TRIM47: variants seen among roughly 807,000 people sequenced by gnomAD.
The protein encoded by TRIM47 is E3 ubiquitin-protein ligase TRIM47.
TRIM47 carries 46 observed loss-of-function variants against 54.4 expected under a neutral mutation model. That is an observed-to-expected ratio of 0.84 (90% CI 0.67 to 1.08). TRIM47 has a LOEUF of 1.08. TRIM47 is among the 50% of genes least tolerant of loss of function. The probability of loss-of-function intolerance (pLI) is 0.00; values close to 1 mark genes in which losing one functional copy is unlikely to be tolerated. For synonymous variants in TRIM47, 392 were observed against 410.2 expected, an observed-to-expected ratio of 0.96 and a Z score of 0.54; for missense variants, 825 against 910.1, an observed-to-expected ratio of 0.91 and a Z score of 1.20.
rs372117490 is a variant in TRIM47, at chr17:75,875,503, G to A, written c.1202-29C>T. On this transcript the variant is annotated intron_variant, in intron 4 of 5. Coordinates refer to ENST00000254816, the MANE Select transcript of TRIM47 (RefSeq NM_033452.3). The surrounding 1 kb of genome is among the most constrained non-coding windows in gnomAD (Gnocchi z 6.1). ...TAGAAGAGGAGACAGTGGTGAGAAC[G>A]CCCCCAGACTGCCCCCCTCTGAACC... 1.3e-4 allele frequency: 208 copies of A among 1,597,534 alleles called. No homozygotes were observed. The African/African-American group carries it at 2.1e-3, about 16-fold the overall frequency.
Position 75,875,086 on chromosome 17 carries a change from G to T in TRIM47, c.1314C>A (p.Asp438Glu). 6.2e-7 allele frequency: 1 copy of T among 1,607,352 alleles called. No individual in the cohort carries two copies. ...TGGTTCCAAACAGCTGCAGGAACTT[G>T]TCTGCTGTGTCGCTGTCCAAATCCA... ...YIVDLDSDTA[D>E]KFLQLFGTKG... Residue 438 changes from aspartate (D) to glutamate (E), a missense_variant, in exon 6 of 6, where the codon GAC becomes GAA. Physicochemically the swap from Asp to Glu is conservative, Grantham distance 45. Transcript: ENST00000254816. This position sits in a 1 kb window ranked among gnomAD's most constrained non-coding sequence, Gnocchi z 6.1.
chr17:75,878,268 G>T lies in TRIM47; in HGVS notation c.281C>A (p.Ala94Asp). The change falls in exon 1 of 6, where the codon GCC becomes GAC. Residue 94 changes from alanine to aspartate, a missense_variant. Coordinates refer to ENST00000254816, the MANE Select transcript of TRIM47 (RefSeq NM_033452.3). ...GGGTGCCGAGGGCTCCGGGGCCAGG[G>T]CAGGGGCCGGGCCGGGGCCGGACCC... ...GPGSGPGPAPALAPEPSAPSA... is the reference protein window; with the variant it reads ...GPGSGPGPAPDLAPEPSAPSA... The T allele has an allele frequency of 2.4e-6, 3 of 1,254,386 alleles. No individual in the cohort carries two copies. Among genetic ancestry groups the T allele is most frequent in the Non-Finnish European group, 3.0e-6 (3 of 999,118 alleles). 77.7% of individuals were successfully genotyped at this position (1,254,386 alleles called of 1,614,324 possible). A position where few individuals can be genotyped will look rare whatever the true frequency, so the allele number is the denominator to read the frequency against.
chr17:75,878,469 T>C lies in TRIM47; in HGVS notation c.80A>G (p.Asn27Ser). The change falls in exon 1 of 6, where the codon AAC (asparagine) becomes AGC (serine). Residue 27 changes from asparagine (N) to serine (S), a missense_variant. By Grantham distance (46) the Asn-to-Ser change is conservative. Transcript: ENST00000254816. Reference sequence around the variant, plus strand: ...CGCGCCCAGGCAGGCGAGACAGAAGTTGTGGCCGCAGGGCAGCGTCACCGG... The same window carrying C: ...CGCGCCCAGGCAGGCGAGACAGAAGCTGTGGCCGCAGGGCAGCGTCACCGG... Reference protein sequence around the residue: ...REPVTLPCGHNFCLACLGALW... With the variant: ...REPVTLPCGHSFCLACLGALW... 1.4e-6 allele frequency: 2 copies of C among 1,419,584 alleles called. No individual in the cohort carries two copies. The highest frequency in any genetic ancestry group is 2.5e-5 in the Admixed American group (1 of 39,254). The allele number at this position is 1,419,584 out of a possible 1,614,324, so 87.9% of individuals were successfully genotyped here.
Position 75,878,301 on chromosome 17 carries a change from G to A in TRIM47, c.248C>T (p.Ser83Leu). Residue 83 changes from serine to leucine, a missense_variant, in exon 1 of 6, where the codon TCG (serine) becomes TTG (leucine). Ser to Leu is a moderately radical substitution (Grantham distance 145). Transcript: ENST00000254816. Reference protein sequence around the residue: ...LSELLQLRQGSGPGSGPGPAP... With the variant: ...LSELLQLRQGLGPGSGPGPAP... ...CGGGCCGGGGCCGGACCCGGGGCCC[G>A]AGCCCTGGCGGAGCTGCAGCAGCTC... is the stretch of plus-strand genomic sequence containing the variant. 2 of 1,274,286 alleles carry A rather than the reference G, an allele frequency of 1.6e-6. No homozygotes were observed. The highest frequency in any genetic ancestry group is 1.5e-5 in the African/African-American group (1 of 64,582). 78.9% of individuals were successfully genotyped at this position (1,274,286 alleles called of 1,614,324 possible).
Position 75,878,068 on chromosome 17 carries a change from G to C in TRIM47, c.481C>G (p.Arg161Gly). Residue 161 changes from arginine to glycine, a missense_variant, in exon 1 of 6, where the codon CGC becomes GGC. Coordinates refer to ENST00000254816, the MANE Select transcript of TRIM47 (RefSeq NM_033452.3). ...FCPAHLGPHE[R>G]SPALRGHRLV... ...CGGTGTCCGCGGAGGGCGGGGCTGC[G>C]CTCGTGCGGGCCCAGGTGCGCGGGG... is the stretch of plus-strand genomic sequence containing the variant. 3 of 1,362,822 alleles carry C rather than the reference G, an allele frequency of 2.2e-6. No individual in the cohort carries two copies. The East Asian group carries it at 9.2e-5, about 42-fold the overall frequency. The allele number at this position is 1,362,822 out of a possible 1,614,324, so 84.4% of individuals were successfully genotyped here.
chr17:75,876,744 A>G lies in TRIM47; in HGVS notation c.745T>C (p.Ser249Pro), dbSNP rs2065137625. The G allele has an allele frequency of 6.2e-7, 1 of 1,614,024 alleles. No individual in the cohort carries two copies. The highest frequency in any genetic ancestry group is 1.3e-5 in the African/African-American group (1 of 74,918). Residue 249 changes from serine (S) to proline (P), a missense_variant, in exon 2 of 6, where the codon TCC becomes CCC. Coordinates refer to ENST00000254816, the MANE Select transcript of TRIM47 (RefSeq NM_033452.3). ...TTGATGAGGGCCACTGTGCGCCTGG[A>G]CTGTGCAATGCCAGCACCCAGCTCG... ...MDELGAGIAQ[S>P]RRTVALIKSA...
chr17:75,878,072 G>A lies in TRIM47; in HGVS notation c.477C>T (p.His159=), dbSNP rs1164131948. The A allele has an allele frequency of 3.7e-6, 5 of 1,358,044 alleles. No individual in the cohort carries two copies. Among genetic ancestry groups the A allele is most frequent in the Non-Finnish European group, 3.8e-6 (4 of 1,059,974 alleles). The allele number at this position is 1,358,044 out of a possible 1,614,324, so 84.1% of individuals were successfully genotyped here. Residue 159 remains histidine, a synonymous_variant, in exon 1 of 6, where the codon CAC becomes CAT. Transcript: ENST00000254816. The stretch of plus-strand genomic sequence containing the variant: ...GTCCGCGGAGGGCGGGGCTGCGCTC[G>A]TGCGGGCCCAGGTGCGCGGGGCAAA... The part of the protein sequence containing the change: ...ASFCPAHLGP[H]ERSPALRGHR...
At position 75,875,340 on chromosome 17, in the gene TRIM47, C is replaced by G; in HGVS notation, c.1276+60G>C. The G allele has an allele frequency of 1.3e-6, 2 of 1,560,234 alleles. No individual in the cohort carries two copies. The highest frequency in any genetic ancestry group is 2.2e-5 in the South Asian group (2 of 89,966). ...CTTGTGTGCCAGGGCCCTGCTGGGA[C>G]CAGCCCAGCAGCCCTGGGAGGGCCC... On this transcript the variant is annotated intron_variant, in intron 5 of 5. Coordinates refer to ENST00000254816, the MANE Select transcript of TRIM47 (RefSeq NM_033452.3). This position sits in a 1 kb window ranked among gnomAD's most constrained non-coding sequence, Gnocchi z 6.1.
chr17:75,875,831 C>T lies in TRIM47; in HGVS notation c.1201+70G>A, dbSNP rs984616091. 2 of 1,529,120 alleles carry T rather than the reference C, an allele frequency of 1.3e-6. No individual in the cohort carries two copies. Among genetic ancestry groups the T allele is most frequent in the Non-Finnish European group, 1.8e-6 (2 of 1,130,588 alleles). 94.7% of individuals were successfully genotyped at this position (1,529,120 alleles called of 1,614,324 possible). On this transcript the variant is annotated intron_variant, in intron 4 of 5. Coordinates refer to ENST00000254816, the MANE Select transcript of TRIM47 (RefSeq NM_033452.3). This position sits in a 1 kb window ranked among gnomAD's most constrained non-coding sequence, Gnocchi z 6.1. The stretch of plus-strand genomic sequence containing the variant: ...TTCCTCCTCCACTTCTGGATGGGCG[C>T]CAGGCCTGGGGGCCTGTGCGAGAGG...
Position 75,878,297 on chromosome 17 carries a change from G to A in TRIM47, c.252C>T (p.Gly84=), listed in dbSNP as rs1463684287. The change falls in exon 1 of 6, where the codon GGC becomes GGT. Residue 84 remains glycine (G), a synonymous_variant. Coordinates refer to ENST00000254816, the MANE Select transcript of TRIM47 (RefSeq NM_033452.3). ...GGGCCGGGCCGGGGCCGGACCCGGG[G>A]CCCGAGCCCTGGCGGAGCTGCAGCA... ...SELLQLRQGS[G]PGSGPGPAPA... is the part of the protein sequence containing the mutation. The A allele has an allele frequency of 7.9e-7, 1 of 1,273,834 alleles. No individual in the cohort carries two copies. Among genetic ancestry groups the A allele is most frequent in the Non-Finnish European group, 9.9e-7 (1 of 1,008,416 alleles). 78.9% of individuals were successfully genotyped at this position (1,273,834 alleles called of 1,614,324 possible). A position where few individuals can be genotyped will look rare whatever the true frequency, so the allele number is the denominator to read the frequency against.
chr17:75,876,429 G>T lies in TRIM47; in HGVS notation c.835C>A (p.Gln279Lys). 6.2e-7 allele frequency: 1 copy of T among 1,611,670 alleles called. No individual in the cohort carries two copies. The highest frequency in any genetic ancestry group is 8.5e-7 in the Non-Finnish European group (1 of 1,179,916). ...RLFADAAAAL[Q>K]GFQTQVLGFI... Reference sequence around the variant, plus strand: ...CCCAGCACCTGGGTCTGGAAGCCCTGCAGGGCGGCCGCAGCATCTGCAAAC... The same window carrying T: ...CCCAGCACCTGGGTCTGGAAGCCCTTCAGGGCGGCCGCAGCATCTGCAAAC... The change falls in exon 3 of 6, where the codon CAG becomes AAG. Residue 279 changes from glutamine to lysine, a missense_variant. Gln to Lys is a moderately conservative substitution (Grantham distance 53, BLOSUM62 1). Coordinates refer to ENST00000254816, the MANE Select transcript of TRIM47 (RefSeq NM_033452.3).
rs2065133016 is a variant in TRIM47, at chr17:75,876,242, G to T, written c.1002+20C>A. On this transcript the variant is annotated intron_variant, in intron 3 of 5. Coordinates refer to ENST00000254816, the MANE Select transcript of TRIM47 (RefSeq NM_033452.3). ...TGTCCCAGCTTCTGTTCCTTCCGTG[G>T]CCCCCAGAGCGGCCTTCACCTGCAG... 1 of 1,590,660 alleles carries T rather than the reference G, an allele frequency of 6.3e-7. No homozygotes were observed. The highest frequency in any genetic ancestry group is 8.5e-7 in the Non-Finnish European group (1 of 1,170,010).
In TRIM47 at chr17:75,875,963, T is replaced by C. The variant is rs1433202532; in HGVS notation, c.1139A>G (p.Gln380Arg). Reference protein sequence around the residue: ...RDMLAVACVNQWEQLRGPGGN... With the variant: ...RDMLAVACVNRWEQLRGPGGN... The stretch of plus-strand genomic sequence containing the variant: ...ACCCGGCCCCCTCAGCTGCTCCCAC[T>C]GGTTGACGCAGGCCACGGCCAGCAT... Residue 380 changes from glutamine (Q) to arginine (R), a missense_variant, in exon 4 of 6, where the codon CAG becomes CGG. By Grantham distance (43) the Gln-to-Arg change is conservative. Coordinates refer to ENST00000254816, the MANE Select transcript of TRIM47 (RefSeq NM_033452.3). This position sits in a 1 kb window ranked among gnomAD's most constrained non-coding sequence, Gnocchi z 6.1. 8.7e-6 allele frequency: 14 copies of C among 1,610,334 alleles called. No homozygotes were observed. The highest frequency in any genetic ancestry group is 1.2e-5 in the Non-Finnish European group (14 of 1,179,984).
Position 75,878,466 on chromosome 17 carries a change from A to G in TRIM47, c.83T>C (p.Phe28Ser). ...GAGCGCGCCCAGGCAGGCGAGACAG[A>G]AGTTGTGGCCGCAGGGCAGCGTCAC... The part of the protein sequence containing the change: ...EPVTLPCGHN[F>S]CLACLGALWP... The change falls in exon 1 of 6, where the codon TTC (phenylalanine) becomes TCC (serine). Residue 28 changes from phenylalanine to serine, a missense_variant. Coordinates refer to ENST00000254816, the MANE Select transcript of TRIM47 (RefSeq NM_033452.3). 1 of 1,423,246 alleles carries G rather than the reference A, an allele frequency of 7.0e-7. No homozygotes were observed. Among genetic ancestry groups the G allele is most frequent in the Non-Finnish European group, 9.3e-7 (1 of 1,076,592 alleles). 88.2% of individuals were successfully genotyped at this position (1,423,246 alleles called of 1,614,324 possible). A position where few individuals can be genotyped will look rare whatever the true frequency, so the allele number is the denominator to read the frequency against.
rs2065126927 is a variant in TRIM47, at chr17:75,875,309, C to T, written c.1276+91G>A. The T allele has an allele frequency of 2.7e-6, 4 of 1,502,242 alleles. No homozygotes were observed. The South Asian group carries it at 3.4e-5, about 13-fold the overall frequency. 93.1% of individuals were successfully genotyped at this position (1,502,242 alleles called of 1,614,324 possible). ...TCCCCACAAACTGGGGAGAGGAATC[C>T]TAACCCTTGTGTGCCAGGGCCCTGC... On this transcript the variant is annotated intron_variant, in intron 5 of 5. Coordinates refer to ENST00000254816, the MANE Select transcript of TRIM47 (RefSeq NM_033452.3). The surrounding 1 kb of genome is among the most constrained non-coding windows in gnomAD (Gnocchi z 6.1).
At position 75,878,167 on chromosome 17, in the gene TRIM47, G is replaced by A; in HGVS notation, c.382C>T (p.Arg128Cys). The change falls in exon 1 of 6, where the codon CGC becomes TGC. Residue 128 changes from arginine to cysteine, a missense_variant. Coordinates refer to ENST00000254816, the MANE Select transcript of TRIM47 (RefSeq NM_033452.3). ...GCGCCCTCGGGGCACGCGTCGCAGC[G>A]CACTGGCTCTTCGCCCGCGGGCCAC... ...EPWPAGEEPV[R>C]CDACPEGAAL... 2.4e-6 allele frequency: 3 copies of A among 1,233,586 alleles called. No homozygotes were observed. Among genetic ancestry groups the A allele is most frequent in the Non-Finnish European group, 3.0e-6 (3 of 989,274 alleles). The allele number at this position is 1,233,586 out of a possible 1,614,324, so 76.4% of individuals were successfully genotyped here. A position where few individuals can be genotyped will look rare whatever the true frequency, so the allele number is the denominator to read the frequency against.
rs769937554 is a variant in TRIM47, at chr17:75,876,348, G to T, written c.916C>A (p.Arg306=). 2.7e-5 allele frequency: 44 copies of T among 1,611,676 alleles called. No homozygotes were observed. Among genetic ancestry groups the T allele is most frequent in the Non-Finnish European group, 3.7e-5 (44 of 1,179,976 alleles). ...MLGRSQGDLR[R]QEEQRSRLSR... The stretch of plus-strand genomic sequence containing the variant: ...AGGCGGCTGCGCTGTTCCTCCTGTC[G>T]CCGCAGGTCACCCTGGGAGCGGCCT... Residue 306 remains arginine (R), a synonymous_variant, in exon 3 of 6, where the codon CGA becomes AGA. Transcript: ENST00000254816.
At chr17:75,876,587 C>G in intron 2 of TRIM47, 95 bp from the exon 3 acceptor site, 1 of 1,506,928 alleles carries the variant, frequency 6.6e-7, no homozygotes. Flanking sequence ...CACCGGCCCT[C>G]TTGAGGGGAC....
In TRIM47 at chr17:75,874,712, G is replaced by C. The variant is rs767959281; in HGVS notation, c.1688C>G (p.Ala563Gly). 3.1e-6 allele frequency: 5 copies of C among 1,613,956 alleles called. No individual in the cohort carries two copies. The highest frequency in any genetic ancestry group is 4.5e-5 in the East Asian group (2 of 44,878). The change falls in exon 6 of 6, where the codon GCT becomes GGT. Residue 563 changes from alanine to glycine, a missense_variant. Physicochemically the swap from Ala to Gly is moderately conservative, Grantham distance 60 (BLOSUM62 0). Transcript: ENST00000254816. This position sits in a 1 kb window ranked among gnomAD's most constrained non-coding sequence, Gnocchi z 6.2. The stretch of plus-strand genomic sequence containing the variant: ...GAGGCTCATCTTGCCGTCCCGTACA[G>C]CATAGAAGGCCAAGGCACGGTCAGC... ...EYADRALAFY[A>G]VRDGKMSLLR...
Sources: allele counts gnomAD v4.1 joint callset, GRCh38; gene constraint gnomAD v4.1.1; non-coding constraint Gnocchi (gnomAD v3.1); transcripts MANE v1.5; gene names NCBI Gene and HGNC (gene_info 2026-07-23, HGNC 2026-07-21).